The following RSRC1 variants were observed in gnomAD, a reference collection of about 807,000 sequenced individuals.
The protein encoded by RSRC1 is arginine and serine rich coiled-coil 1.
RSRC1 carries 39 observed loss-of-function variants against 49.1 expected under a neutral mutation model. The ratio of observed to expected loss-of-function variants is 0.79; its 90% CI spans 0.61 to 1.04. RSRC1 has a LOEUF of 1.04. Ranked by LOEUF, RSRC1 falls within the 50% of genes least tolerant of loss-of-function variation. RSRC1 has a pLI of 0.00. For synonymous variants in RSRC1, 143 were observed against 130.8 expected (o/e 1.09, Z -0.63); for missense variants, 388 against 402.4 (o/e 0.96, Z 0.31).
intron 8 of RSRC1, among the ~76,000 whole-genome samples, chr3:158,538,854 A>G (rs1325790745): frequency 2.0e-5 from 3 of 152,010 alleles, no homozygotes; most frequent in East Asian, 3.9e-4. Context: ...AAGATCAGTG[A>G]TAGTCTAACA....
intron 5 of RSRC1, among the ~76,000 whole-genome samples, chr3:158,341,639 A>G (rs979472985): frequency 6.6e-6 from 1 of 152,216 alleles, no homozygotes; most frequent in African/African-American, 2.4e-5. Flanking sequence ...AGGACAGTGC[A>G]GAATGGAAAT....
rs1359792947 is a variant in RSRC1, at chr3:158,377,007, A to G, written c.583+22099A>G. Among the ~76,000 whole-genome samples the G allele has an allele frequency of 3.3e-5, 5 of 152,186 alleles. No homozygotes were observed. The South Asian group carries it at 8.3e-4, about 25-fold the overall frequency. The stretch of plus-strand genomic sequence containing the variant: ...AAAGTTGGTATCCTTCAAGATTCTT[A>G]TCCTTCATCACTTTAAAGATAGTGT... On this transcript the variant is annotated intron_variant, in intron 6 of 9. Transcript: ENST00000611884.
At chr3:158,490,569 A>G (rs184610202) in intron 7 of RSRC1, among the ~76,000 whole-genome samples, 1 of 152,336 alleles carries the variant, frequency 6.6e-6, no homozygotes, top group Admixed American at 6.5e-5. Flanking sequence ...ATTTAGTAGT[A>G]GTTAAATTTT....
chr3:158,490,688 G>C (rs1045099404), intron 7 of RSRC1, among the ~76,000 whole-genome samples: 5 of 152,064 alleles, frequency 3.3e-5, no homozygotes, highest in Non-Finnish European at 5.9e-5. Context: ...CTTGGATATG[G>C]GACTATGTTG....
chr3:158,509,577 G>A (rs961362721), intron 7 of RSRC1, among the ~76,000 whole-genome samples: 22 of 151,898 alleles, frequency 1.4e-4, no homozygotes, highest in African/African-American at 5.1e-4. Context: ...TGAGCCCAGA[G>A]GTTCAAGGCC....
At chr3:158,205,069 T>G (rs1305645486) in intron 4 of RSRC1, among the ~76,000 whole-genome samples, 1 of 152,176 alleles carries the variant, frequency 6.6e-6, no homozygotes, top group East Asian at 1.9e-4. Flanking sequence ...GTTTACAAGA[T>G]AATAGTGTTG....
chr3:158,166,576 G>A (rs1451318110), intron 3 of RSRC1, among the ~76,000 whole-genome samples: 1 of 152,098 alleles, frequency 6.6e-6, no homozygotes, highest in African/African-American at 2.4e-5. Context: ...ATATTTTAAG[G>A]TATTGCCAAC....
chr3:158,499,669 T>C (rs1303544850), intron 7 of RSRC1, among the ~76,000 whole-genome samples: 1 of 152,224 alleles, frequency 6.6e-6, no homozygotes, highest in African/African-American at 2.4e-5. Flanking sequence ...GTTCTTGATT[T>C]GATTCTCCAG....
At chr3:158,177,815 C>G (rs1339421826) in intron 3 of RSRC1, among the ~76,000 whole-genome samples, 1 of 152,048 alleles carries the variant, frequency 6.6e-6, no homozygotes, top group African/African-American at 2.4e-5. Flanking sequence ...CAAACATTGG[C>G]CATTTGCAAT....
intron 6 of RSRC1, among the ~76,000 whole-genome samples, chr3:158,388,613 T>G (rs1257676753): frequency 5.4e-5 from 1 of 18,688 alleles, no homozygotes; most frequent in Non-Finnish European, 1.3e-4. Context: ...GTGTTTTTTG[T>G]TTTTTTTTTT....
chr3:158,187,463 C>T (rs1234329739), intron 3 of RSRC1, among the ~76,000 whole-genome samples: 1 of 151,934 alleles, frequency 6.6e-6, no homozygotes, highest in Non-Finnish European at 1.5e-5. Flanking sequence ...AATAGTAAAA[C>T]TTGATATGAG....
At chr3:158,371,059 A>G (rs879370855) in intron 6 of RSRC1, among the ~76,000 whole-genome samples, 2 of 151,842 alleles carry the variant, frequency 1.3e-5, no homozygotes, top group Non-Finnish European at 2.9e-5. Flanking sequence ...CTTTTCATGC[A>G]GTCATTTACC....
chr3:158,489,048 A>G (rs1738952853), intron 7 of RSRC1, among the ~76,000 whole-genome samples: 1 of 152,218 alleles, frequency 6.6e-6, no homozygotes, highest in African/African-American at 2.4e-5. Flanking sequence ...AATACAAGAA[A>G]CACGCTAAGT....
chr3:158,244,186 C>T (rs1345264825), intron 4 of RSRC1, among the ~76,000 whole-genome samples: 1 of 152,112 alleles, frequency 6.6e-6, no homozygotes, highest in Non-Finnish European at 1.5e-5. Context: ...TGAGAGAGGG[C>T]ATCGTCTTGT....
chr3:158,509,075 C>A (rs1426666860), intron 7 of RSRC1, among the ~76,000 whole-genome samples: 1 of 152,130 alleles, frequency 6.6e-6, no homozygotes, highest in African/African-American at 2.4e-5. Context: ...CTTTGCCTAA[C>A]CTAAGATCAC....
chr3:158,242,109 T>TAA (rs1723628545), intron 4 of RSRC1, among the ~76,000 whole-genome samples: 1 of 147,542 alleles, frequency 6.8e-6, no homozygotes, highest in Non-Finnish European at 1.5e-5. Context: ...TAGTTAAGTG[T>TAA]GTGCCATGGT....
chr3:158,402,564 A>G (rs928428531), intron 6 of RSRC1, among the ~76,000 whole-genome samples: 3 of 151,814 alleles, frequency 2.0e-5, no homozygotes, highest in Admixed American at 6.6e-5. Context: ...AATATTTTCT[A>G]TGTAATTAGT....
intron 1 of RSRC1, among the ~76,000 whole-genome samples, chr3:158,112,446 G>A (rs952761434): frequency 6.6e-6 from 1 of 152,040 alleles, no homozygotes; most frequent in Admixed American, 6.6e-5. Context: ...GACAATTTTG[G>A]GATCTACTTT....
intron 6 of RSRC1, among the ~76,000 whole-genome samples, chr3:158,417,706 A>ATATT (rs1363444481): frequency 6.6e-6 from 1 of 151,510 alleles, no homozygotes; most frequent in East Asian, 1.9e-4. Flanking sequence ...TATAGGGAGA[A>ATATT]TATTAATATC....
Sources: allele counts gnomAD v4.1 joint callset (sites outside exome capture counted in the v4.1 genomes callset), GRCh38; gene constraint gnomAD v4.1.1; transcripts MANE v1.5; gene names NCBI Gene and HGNC (gene_info 2026-07-23, HGNC 2026-07-21).